CEP83: variants seen among roughly 807,000 people sequenced by gnomAD.
CEP83 encodes centrosomal protein of 83 kDa.
CEP83 carries 70 observed loss-of-function variants against 101.9 expected under a neutral mutation model. That is an observed-to-expected ratio of 0.69 (90% confidence interval 0.57 to 0.84). The LOEUF (loss-of-function observed/expected upper bound fraction) is 0.84, where lower values mean the gene tolerates loss of function less well. CEP83 is among the 40% of genes least tolerant of loss of function. The probability of loss-of-function intolerance (pLI) is 0.00; values close to 1 mark genes in which losing one functional copy is unlikely to be tolerated. For synonymous variants in CEP83, 264 were observed against 267.9 expected, an observed-to-expected ratio of 0.99 and a Z score of 0.14; for missense variants, 715 against 787.2, an observed-to-expected ratio of 0.91 and a Z score of 1.10.
intron 2 of CEP83, among the ~76,000 whole-genome samples, chr12:94,429,039 C>A (rs557205552): frequency 6.6e-6 from 1 of 152,178 alleles, no homozygotes; most frequent in East Asian, 1.9e-4. Context: ...AGAAAATGGA[C>A]TATTTAAACT....
At chr12:94,347,391 C>G (rs2059991740) in intron 11 of CEP83, among the ~76,000 whole-genome samples, 1 of 152,012 alleles carries the variant, frequency 6.6e-6, no homozygotes. Flanking sequence ...ATTATTAAGA[C>G]TGAAAATAAC....
chr12:94,369,894 A>G (rs1237705246), intron 9 of CEP83, 28 bp downstream of exon 9: 1 of 1,106,102 alleles, frequency 9.0e-7, no homozygotes, highest in Non-Finnish European at 1.4e-6. Flanking sequence ...AAGCAGCAGC[A>G]GCAGCAGCAA....
chr12:94,391,170 A>G (rs1269314042), intron 6 of CEP83, among the ~76,000 whole-genome samples: 1 of 152,160 alleles, frequency 6.6e-6, no homozygotes, highest in African/African-American at 2.4e-5. Flanking sequence ...CAAGACACAT[A>G]ATTTTCAGAT....
chr12:94,363,463 T>C (rs914431470), intron 11 of CEP83, among the ~76,000 whole-genome samples: 2 of 152,116 alleles, frequency 1.3e-5, no homozygotes, highest in African/African-American at 4.8e-5. Flanking sequence ...AGAATTACAA[T>C]ATAAGCCAGT....
intron 4 of CEP83, among the ~76,000 whole-genome samples, chr12:94,410,692 A>T (rs566859437): frequency 6.6e-6 from 1 of 152,310 alleles, no homozygotes; most frequent in South Asian, 2.1e-4. Context: ...AAATTTTTGC[A>T]AAACAAATTA....
At chr12:94,350,618 CA>C (rs367593030) in intron 11 of CEP83, among the ~76,000 whole-genome samples, 3,895 of 149,156 alleles carry the variant, frequency 0.026, 180 homozygotes, top group African/African-American at 0.091. Context: ...ACAACAACAA[CA>C]AAAAAAAACA....
the CEP83 span, among the ~76,000 whole-genome samples, chr12:94,271,618 T>G: frequency 1.3e-5 from 2 of 152,238 alleles, no homozygotes; most frequent in Non-Finnish European, 2.9e-5. Context: ...TCTCAAAACC[T>G]GTTTCCTCTT....
At chr12:94,297,688 T>A in the CEP83 span, among the ~76,000 whole-genome samples, 3 of 152,350 alleles carry the variant, frequency 2.0e-5, no homozygotes, top group South Asian at 6.2e-4. Flanking sequence ...ACCATTTCAC[T>A]ATTATTGTTA....
At chr12:94,354,292 G>A (rs2136822165) in intron 11 of CEP83, among the ~76,000 whole-genome samples, 1 of 151,880 alleles carries the variant, frequency 6.6e-6, no homozygotes, top group Non-Finnish European at 1.5e-5. Flanking sequence ...CTGGGTTCTT[G>A]TGCCTCAGCC....
chr12:94,316,716 G>A (rs1237043051), intron 14 of CEP83, among the ~76,000 whole-genome samples: 1 of 152,072 alleles, frequency 6.6e-6, no homozygotes, highest in Middle Eastern at 3.2e-3. Context: ...AAGGATAATG[G>A]CCTCTTGCTC....
chr12:94,394,616 T>C (rs552706397), intron 6 of CEP83, among the ~76,000 whole-genome samples: 2 of 152,240 alleles, frequency 1.3e-5, no homozygotes, highest in South Asian at 2.1e-4. Flanking sequence ...AAAGCCAAAA[T>C]TGACAAATGG....
At chr12:94,319,258 C>T (rs1436239696) in intron 14 of CEP83, among the ~76,000 whole-genome samples, 1 of 152,010 alleles carries the variant, frequency 6.6e-6, no homozygotes, top group Non-Finnish European at 1.5e-5. Flanking sequence ...GGTAACATCC[C>T]CTCTGTCATT....
intron 1 of CEP83, among the ~76,000 whole-genome samples, chr12:94,449,573 T>C (rs1450460096): frequency 1.4e-5 from 2 of 141,500 alleles, no homozygotes; most frequent in Non-Finnish European, 3.1e-5. Context: ...CCAGGCAACA[T>C]GGCAAAACCC....
At chr12:94,338,314 T>C (rs569911781) in intron 11 of CEP83, among the ~76,000 whole-genome samples, 31 of 152,148 alleles carry the variant, frequency 2.0e-4, no homozygotes, top group Non-Finnish European at 4.3e-4. Context: ...CCTCAGCGAC[T>C]GTTAAGGAAT....
chr12:94,433,727 G>A (rs1175254687), intron 2 of CEP83, among the ~76,000 whole-genome samples: 1 of 151,366 alleles, frequency 6.6e-6, no homozygotes, highest in Admixed American at 6.6e-5. Flanking sequence ...GGGGCAGCAA[G>A]AGCAGGAGTT....
chr12:94,412,945 CG>C (rs1056053904), intron 2 of CEP83, among the ~76,000 whole-genome samples: 1 of 151,998 alleles, frequency 6.6e-6, no homozygotes, highest in African/African-American at 2.4e-5. Context: ...CTCCGCCTCC[CG>C]GGTTCACGCC....
intron 1 of CEP83, among the ~76,000 whole-genome samples, chr12:94,445,315 A>G (rs902576807): frequency 6.6e-6 from 1 of 151,990 alleles, no homozygotes; most frequent in Non-Finnish European, 1.5e-5. Context: ...GTTGCTCCCC[A>G]CGCCATATAC....
chr12:94,457,174 G>A (rs2067746783), intron 1 of CEP83, among the ~76,000 whole-genome samples: 2 of 152,144 alleles, frequency 1.3e-5, no homozygotes, highest in African/African-American at 2.4e-5. Flanking sequence ...TCTGGGCAGA[G>A]ACACCTTTTC....
At chr12:94,297,466 G>T in the CEP83 span, 1 of 1,317,118 alleles carries the variant, frequency 7.6e-7, no homozygotes, top group South Asian at 1.2e-5. Context: ...TACCTAGGGG[G>T]TGTATGATAT....
Sources: allele counts gnomAD v4.1 joint callset (sites outside exome capture counted in the v4.1 genomes callset), GRCh38; gene constraint gnomAD v4.1.1; transcripts MANE v1.5; gene names NCBI Gene and HGNC (gene_info 2026-07-23, HGNC 2026-07-21).